The following USP9X variants were observed in gnomAD, a reference collection of about 807,000 sequenced individuals.
USP9X encodes the protein ubiquitin carboxyl-terminal hydrolase 9X.
USP9X carries 7 observed loss-of-function variants against 190.3 expected under a neutral mutation model. The observed-to-expected ratio is 0.04, with a 90% confidence interval of 0.02 to 0.07. The LOEUF (loss-of-function observed/expected upper bound fraction) is 0.07. USP9X is among the 10% of genes least tolerant of loss of function. USP9X has a pLI of 1.00. For synonymous variants in USP9X, 645 were observed against 659.5 expected (o/e 0.98, Z 0.34); for missense variants, 1,010 against 1,916.9 (o/e 0.53, Z 8.83).
intron 4 of USP9X, among the ~76,000 whole-genome samples, chrX:41,133,108 A>T (rs749811702): frequency 2.3e-4 from 26 of 112,228 alleles, no homozygotes; most frequent in South Asian, 7.2e-4. Context: ...GTCAAAATTA[A>T]CATGTTTAGT....
intron 2 of USP9X, among the ~76,000 whole-genome samples, chrX:41,125,730 G>A (rs990174799): frequency 1.0e-5 from 1 of 97,232 alleles, no homozygotes; most frequent in Non-Finnish European, 2.0e-5. Context: ...GCGCACGCGC[G>A]CGCGCTCTCT....
chrX:41,168,000 T>A lies in USP9X; in HGVS notation c.2425-7T>A. 1 of 1,191,114 alleles carries A rather than the reference T, an allele frequency of 8.4e-7. No individual in the cohort carries two copies. Among genetic ancestry groups the A allele is most frequent in the African/African-American group, 1.7e-5 (1 of 57,384 alleles). On this transcript the variant is annotated splice_region_variant and splice_polypyrimidine_tract_variant and intron_variant, in intron 17 of 44. Coordinates refer to ENST00000378308, the MANE Select transcript of USP9X (RefSeq NM_001039591.3). ...TTAACTGTGTTTATTTGGCCTGATA[T>A]TTGTAGGTGGTGATCCATGAAGACT...
chrX:41,121,005 ATT>A (rs201533412), intron 1 of USP9X, among the ~76,000 whole-genome samples: 2 of 96,570 alleles, frequency 2.1e-5, no homozygotes, highest in African/African-American at 3.8e-5. Context: ...TGCCTGGCTA[ATT>A]TTTTTTTTTT....
At chrX:41,178,571 C>T (rs1314419488) in intron 21 of USP9X, among the ~76,000 whole-genome samples, 1 of 111,698 alleles carries the variant, frequency 9.0e-6, no homozygotes, top group Non-Finnish European at 1.9e-5. Flanking sequence ...TTTTAAAAAT[C>T]GGATTTTTTG....
In USP9X at chrX:41,216,494, C is replaced by G; in HGVS notation, c.5927C>G (p.Thr1976Ser). ...TATATATCAGAGCTTGCTATCACCA[C>G]CAGACCTCATCAGATTATTATGCCA... The part of the protein sequence containing the change: ...IRYISELAIT[T>S]RPHQIIMPSA... Residue 1976 changes from threonine (T) to serine (S), a missense_variant, in exon 35 of 45, where the codon ACC (threonine) becomes AGC (serine). Thr to Ser is a moderately conservative substitution (Grantham distance 58, BLOSUM62 1). Transcript: ENST00000378308. The G allele has an allele frequency of 3.3e-6, 4 of 1,211,271 alleles. No homozygotes were observed. The highest frequency in any genetic ancestry group is 4.5e-6 in the Non-Finnish European group (4 of 895,414).
chrX:41,118,335 G>T (rs2062165956), intron 1 of USP9X, among the ~76,000 whole-genome samples: 1 of 109,396 alleles, frequency 9.1e-6, no homozygotes. Flanking sequence ...TTCTGTTTCT[G>T]CAAGCGTGAC....
intron 1 of USP9X, among the ~76,000 whole-genome samples, chrX:41,098,713 AC>A (rs1377676261): frequency 1.9e-5 from 2 of 105,920 alleles, no homozygotes; most frequent in South Asian, 4.3e-4. Flanking sequence ...CTGCCACCAC[AC>A]CCGGCTAATT....
Position 41,141,396 on chromosome X carries a change from G to A in USP9X, c.1126G>A (p.Glu376Lys). 8.3e-7 allele frequency: 1 copy of A among 1,197,846 alleles called. No homozygotes were observed. Among genetic ancestry groups the A allele is most frequent in the Non-Finnish European group, 1.1e-6 (1 of 889,782 alleles). ...CTATACTCATCGACATGGTAATCCT[G>A]AGGAGGAAGAGTGGCTCACAGCTGA... ...SYYTHRHGNP[E>K]EEEWLTAERM... Residue 376 changes from glutamate (E) to lysine (K), a missense_variant, in exon 9 of 45, where the codon GAG becomes AAG. Physicochemically the swap from Glu to Lys is moderately conservative, Grantham distance 56 (BLOSUM62 1). Transcript: ENST00000378308.
At chrX:41,119,251 A>T (rs1425647762) in intron 1 of USP9X, among the ~76,000 whole-genome samples, 1 of 111,242 alleles carries the variant, frequency 9.0e-6, no homozygotes, top group African/African-American at 3.3e-5. Flanking sequence ...GGTGGCTCAC[A>T]TCTGTAATCC....
chrX:41,104,856 A>G (rs1234608029), intron 1 of USP9X, among the ~76,000 whole-genome samples: 1 of 111,628 alleles, frequency 9.0e-6, no homozygotes, highest in Non-Finnish European at 1.9e-5. Flanking sequence ...ATGTTGCAGT[A>G]TATGCATTGT....
chrX:41,096,943 CAG>C (rs1410609369), intron 1 of USP9X, among the ~76,000 whole-genome samples: 2 of 112,286 alleles, frequency 1.8e-5, no homozygotes, highest in Non-Finnish European at 3.8e-5. Flanking sequence ...TAAAGGAAAA[CAG>C]AGAAGGTAAA....
chrX:41,164,017 C>G (rs1375351086), intron 15 of USP9X, among the ~76,000 whole-genome samples: 5 of 111,231 alleles, frequency 4.5e-5, no homozygotes, highest in Non-Finnish European at 7.5e-5. Flanking sequence ...GGACTACAGG[C>G]ATGCGCCACC....
intron 30 of USP9X, among the ~76,000 whole-genome samples, chrX:41,199,627 C>T (rs1490405159): frequency 2.7e-5 from 3 of 111,024 alleles, no homozygotes; most frequent in Non-Finnish European, 5.7e-5. Flanking sequence ...TAGGGTTTCA[C>T]CATGTTGGCC....
intron 11 of USP9X, among the ~76,000 whole-genome samples, chrX:41,147,594 C>A (rs2062481155): frequency 9.2e-6 from 1 of 109,144 alleles, no homozygotes; most frequent in African/African-American, 3.3e-5. Flanking sequence ...GCTGGGATTA[C>A]AGGCATGCGC....
At chrX:41,162,723 G>T in intron 14 of USP9X, 67 bp from the exon 15 acceptor site, 2 of 880,261 alleles carry the variant, frequency 2.3e-6, no homozygotes, top group African/African-American at 2.0e-5. Flanking sequence ...TAATTTCTTT[G>T]GTTGAAGTCA....
rs762248268 is a variant in USP9X, at chrX:41,216,480, G to A, written c.5913G>A (p.Glu1971=). The change falls in exon 35 of 45, where the codon GAG becomes GAA. Residue 1971 remains glutamate (E), a synonymous_variant. Transcript: ENST00000378308. ...ATGAGTTGATAAGATATATATCAGAGCTTGCTATCACCACCAGACCTCATC... is the reference window on the plus strand; with the variant it reads ...ATGAGTTGATAAGATATATATCAGAACTTGCTATCACCACCAGACCTCATC... ...QDDELIRYIS[E]LAITTRPHQI... The A allele has an allele frequency of 8.3e-7, 1 of 1,211,328 alleles. No homozygotes were observed. Among genetic ancestry groups the A allele is most frequent in the Admixed American group, 2.2e-5 (1 of 45,956 alleles).
At chrX:41,150,880 G>T in intron 12 of USP9X, 41 bp from the exon 13 acceptor site, 1 of 1,115,669 alleles carries the variant, frequency 9.0e-7, no homozygotes, top group Non-Finnish European at 1.2e-6. Flanking sequence ...AAATTCTCCT[G>T]AGTATTGATC....
At chrX:41,155,572 G>A (rs747225935) in intron 14 of USP9X, among the ~76,000 whole-genome samples, 1 of 111,031 alleles carries the variant, frequency 9.0e-6, no homozygotes, top group South Asian at 3.8e-4. Context: ...ACTTCTTCCC[G>A]GTCTTTTCCA....
intron 1 of USP9X, among the ~76,000 whole-genome samples, chrX:41,098,816 A>AT (rs1324381421): frequency 9.0e-6 from 1 of 111,149 alleles, no homozygotes; most frequent in African/African-American, 3.3e-5. Flanking sequence ...AAGTGCTGGG[A>AT]TTACAGGTGT....
Sources: allele counts gnomAD v4.1 joint callset (sites outside exome capture counted in the v4.1 genomes callset), GRCh38; gene constraint gnomAD v4.1.1; transcripts MANE v1.5; gene names NCBI Gene and HGNC (gene_info 2026-07-23, HGNC 2026-07-21).